PSIP1: variants seen among roughly 807,000 people sequenced by gnomAD.
PSIP1 encodes PC4 and SFRS1-interacting protein.
PSIP1 carries 19 observed loss-of-function variants against 74.7 expected under a neutral mutation model. The ratio of observed to expected loss-of-function variants is 0.25; its 90% CI spans 0.18 to 0.37. The LOEUF is 0.37. PSIP1 is among the 10% of genes least tolerant of loss of function. The pLI, the probability that PSIP1 is intolerant of heterozygous loss-of-function variation, is 1.00. For synonymous variants in PSIP1, 222 were observed against 195.3 expected, an observed-to-expected ratio of 1.14 and a Z score of -1.14; for missense variants, 601 against 614.3, an observed-to-expected ratio of 0.98 and a Z score of 0.23.
intron 3 of PSIP1, among the ~76,000 whole-genome samples, chr9:15,494,889 G>C (rs1005366168): frequency 1.3e-5 from 2 of 152,076 alleles, no homozygotes; most frequent in African/African-American, 4.8e-5. Flanking sequence ...TTCCTCTTAT[G>C]TAACAGGTTT....
intron 3 of PSIP1, chr9:15,506,221 T>C: frequency 5.8e-6 from 1 of 172,322 alleles, no homozygotes; most frequent in Non-Finnish European, 1.2e-5. Context: ...AACCAAAAAT[T>C]AGGTACCAAC....
At chr9:15,498,574 G>A (rs1019520522) in intron 3 of PSIP1, among the ~76,000 whole-genome samples, 5 of 151,722 alleles carry the variant, frequency 3.3e-5, no homozygotes, top group Non-Finnish European at 7.4e-5. Flanking sequence ...TTAGTTTTTC[G>A]ACGGACATCA....
In PSIP1 at chr9:15,464,765, C is replaced by T. The variant is rs899991625; in HGVS notation, c.*755G>A. The T allele has an allele frequency of 4.9e-6, 1 of 205,678 alleles. No homozygotes were observed. The highest frequency in any genetic ancestry group is 2.3e-5 in the African/African-American group (1 of 43,822). The allele number at this position is 205,678 out of a possible 1,614,324, so 12.7% of individuals were successfully genotyped here. A position where few individuals can be genotyped will look rare whatever the true frequency, so the allele number is the denominator to read the frequency against. On this transcript the variant is annotated 3_prime_UTR_variant, in exon 16 of 16. Transcript: ENST00000380733. The stretch of plus-strand genomic sequence containing the variant: ...TAAAAGGACCTTAAATGATTTAACC[C>T]TAAAGCCAGATTCATTCCTATATAT...
chr9:15,465,721 T>TA (rs2035578915), intron 15 of PSIP1, 141 bp from the exon 16 acceptor site: 1 of 622,312 alleles, frequency 1.6e-6, no homozygotes. Context: ...GACTTGTTAT[T>TA]AGAACAGTCA....
rs893717012 is a variant in PSIP1, at chr9:15,486,831, T to C, written c.389A>G (p.Asn130Ser). ...EDTDHEEKAS[N>S]EDVTKAVDIT... Reference sequence around the variant, plus strand: ...GTTAGGAGAAATAGAACATACCTCATTGCTGGCTTTTTCTTCATGGTCGGT... The same window carrying C: ...GTTAGGAGAAATAGAACATACCTCACTGCTGGCTTTTTCTTCATGGTCGGT... The change falls in exon 5 of 16, where the codon AAT becomes AGT. Residue 130 changes from asparagine (N) to serine (S), a missense_variant. By Grantham distance (46) the Asn-to-Ser change is conservative. Around this residue, in one of 2 missense-constraint regions of PSIP1, gnomAD observed 538 missense variants for 507.6 expected, o/e 1.06. Coordinates refer to ENST00000380733, the MANE Select transcript of PSIP1 (RefSeq NM_033222.5). The C allele has an allele frequency of 6.3e-7, 1 of 1,595,412 alleles. No homozygotes were observed. The highest frequency in any genetic ancestry group is 8.6e-7 in the Non-Finnish European group (1 of 1,166,692).
chr9:15,485,786 G>T, intron 6 of PSIP1: 1 of 397,550 alleles, frequency 2.5e-6, no homozygotes, highest in Non-Finnish European at 4.5e-6. Context: ...AATGAAAACT[G>T]GTGTATTTTA....
At chr9:15,467,123 G>A (rs1472952419) in intron 14 of PSIP1, among the ~76,000 whole-genome samples, 1 of 152,156 alleles carries the variant, frequency 6.6e-6, no homozygotes, top group Non-Finnish European at 1.5e-5. Flanking sequence ...CTATCTATGA[G>A]TACAGGAAGT....
At chr9:15,502,501 T>A (rs2037394231) in intron 3 of PSIP1, among the ~76,000 whole-genome samples, 1 of 152,210 alleles carries the variant, frequency 6.6e-6, no homozygotes, top group Non-Finnish European at 1.5e-5. Context: ...TTTGAACTCC[T>A]GGGATCAAGG....
At chr9:15,500,706 G>C (rs1461933353) in intron 3 of PSIP1, among the ~76,000 whole-genome samples, 2 of 152,174 alleles carry the variant, frequency 1.3e-5, no homozygotes, top group African/African-American at 4.8e-5. Context: ...TTTTAAAACA[G>C]CCTGTGATGT....
At chr9:15,501,936 C>T (rs1474709902) in intron 3 of PSIP1, among the ~76,000 whole-genome samples, 1 of 151,312 alleles carries the variant, frequency 6.6e-6, no homozygotes, top group Non-Finnish European at 1.5e-5. Flanking sequence ...CAGTACCCGT[C>T]CGTGGCCTGT....
chr9:15,496,088 C>T (rs2037059854), intron 3 of PSIP1, among the ~76,000 whole-genome samples: 2 of 152,176 alleles, frequency 1.3e-5, no homozygotes, highest in Admixed American at 6.5e-5. Flanking sequence ...TGCATGGTGA[C>T]CAATCACCAA....
At position 15,469,276 on chromosome 9, in the gene PSIP1, A is replaced by G; in HGVS notation, c.1094T>C (p.Ile365Thr). Residue 365 changes from isoleucine to threonine, a missense_variant, in exon 12 of 16, where the codon ATT becomes ACT. Around this residue, in one of 2 missense-constraint regions of PSIP1, gnomAD observed 538 missense variants for 507.6 expected, o/e 1.06. Coordinates refer to ENST00000380733, the MANE Select transcript of PSIP1 (RefSeq NM_033222.5). The part of the protein sequence containing the change: ...IHAEIKNSLK[I>T]DNLDVNRCIE... Reference sequence around the variant, plus strand: ...AAGTTAAACACTTACAAGATTATCAATTTTGAGTGAATTTTTAATCTCAGC... The same window carrying G: ...AAGTTAAACACTTACAAGATTATCAGTTTTGAGTGAATTTTTAATCTCAGC... 3.2e-6 allele frequency: 5 copies of G among 1,557,388 alleles called. No individual in the cohort carries two copies. The highest frequency in any genetic ancestry group is 1.2e-5 in the South Asian group (1 of 85,584).
rs542785360 is a variant in PSIP1 at position 15,505,609 on chromosome 9, G to A, written c.149+952C>T. On this transcript the variant is annotated intron_variant, in intron 3 of 15. Transcript: ENST00000380733. ...AGACAGTAGACTAGTGGTTGTTTAC[G>A]GTTGGAGAGGGGAAAGTGATCATCA... The A allele has an allele frequency of 5.9e-5, 9 of 152,264 alleles. No individual in the cohort carries two copies. In the East Asian group the frequency reaches 1.2e-3, roughly 20 times the overall value. The allele number at this position is 152,264 out of a possible 1,614,324, so 9.4% of individuals were successfully genotyped here. A position where few individuals can be genotyped will look rare whatever the true frequency, so the allele number is the denominator to read the frequency against.
chr9:15,487,082 C>CG, intron 4 of PSIP1, 151 bp from the exon 5 acceptor site: 2 of 475,686 alleles, frequency 4.2e-6, no homozygotes, highest in Non-Finnish European at 7.1e-6. Flanking sequence ...ACTGAAGCCT[C>CG]AATTCCTGGG....
At chr9:15,470,269 C>CCA (rs1168973549) in intron 10 of PSIP1, among the ~76,000 whole-genome samples, 2 of 152,198 alleles carry the variant, frequency 1.3e-5, no homozygotes, top group Admixed American at 1.3e-4. Flanking sequence ...GACAAACAGG[C>CCA]CACAATGGGA....
At position 15,510,270 on chromosome 9, in the gene PSIP1, G is replaced by A. The variant is rs1387212278; in HGVS notation, c.-82C>T. On this transcript the variant is annotated 5_prime_UTR_variant, in exon 2 of 16. Coordinates refer to ENST00000380733, the MANE Select transcript of PSIP1 (RefSeq NM_033222.5). ...GCGCGGGGATGCGGGCGGCGGACGC[G>A]GGCCCAGCTACCGGGCCCGCGGGCG... 30 of 1,317,022 alleles carry A rather than the reference G, an allele frequency of 2.3e-5. No individual in the cohort carries two copies. Among genetic ancestry groups the A allele is most frequent in the Non-Finnish European group, 2.8e-5 (27 of 954,960 alleles). The allele number at this position is 1,317,022 out of a possible 1,614,324, so 81.6% of individuals were successfully genotyped here. A position where few individuals can be genotyped will look rare whatever the true frequency, so the allele number is the denominator to read the frequency against.
At chr9:15,493,776 A>C (rs2036946417) in intron 3 of PSIP1, among the ~76,000 whole-genome samples, 1 of 152,240 alleles carries the variant, frequency 6.6e-6, no homozygotes, top group Admixed American at 6.5e-5. Flanking sequence ...ACTCACTATC[A>C]CCATAACAGC....
chr9:15,484,348 C>G (rs953792543), intron 6 of PSIP1, among the ~76,000 whole-genome samples: 16 of 151,396 alleles, frequency 1.1e-4, no homozygotes, highest in African/African-American at 3.9e-4. Flanking sequence ...CCTGTAATCC[C>G]AGAGCTTCAG....
intron 5 of PSIP1, among the ~76,000 whole-genome samples, chr9:15,486,514 C>A (rs1463583043): frequency 6.6e-6 from 1 of 152,116 alleles, no homozygotes; most frequent in African/African-American, 2.4e-5. Context: ...TAGTCTAATG[C>A]TGTTTCCAGT....
Sources: allele counts gnomAD v4.1 joint callset (sites outside exome capture counted in the v4.1 genomes callset), GRCh38; gene constraint gnomAD v4.1.1; regional missense constraint gnomAD v4.1.1; transcripts MANE v1.5; gene names NCBI Gene and HGNC (gene_info 2026-07-23, HGNC 2026-07-21).